DMD: variants seen among roughly 807,000 people sequenced by gnomAD.
DMD encodes mutant dystrophin.
A neutral mutation model predicts 330.1 loss-of-function variants in DMD; 63 were observed. That is an observed-to-expected ratio of 0.19 (90% CI 0.16 to 0.24). The LOEUF (loss-of-function observed/expected upper bound fraction) is 0.24, where lower values mean the gene tolerates loss of function less well. Among genes scored for constraint, DMD ranks in the 10% least tolerant of loss-of-function variants. DMD has a pLI of 1.00. For synonymous variants in DMD, 1,223 were observed against 959.8 expected (o/e 1.27, Z -5.07); for missense variants, 3,344 against 2,684.1 (o/e 1.25, Z -5.43).
chrX:32,559,978 A>G (rs1009948565), intron 16 of DMD, among the ~76,000 whole-genome samples: 1 of 111,408 alleles, frequency 9.0e-6, no homozygotes, highest in African/African-American at 3.3e-5. Flanking sequence ...AAGAAGAGGC[A>G]AATTCTGAGC....
intron 63 of DMD, among the ~76,000 whole-genome samples, chrX:31,243,610 C>G (rs977026189): frequency 8.9e-6 from 1 of 112,631 alleles, no homozygotes; most frequent in African/African-American, 3.2e-5. Flanking sequence ...AAAAAATACA[C>G]AAATATTAAC....
chrX:32,846,723 TAAAAAAAA>T (rs10564725), intron 3 of DMD, among the ~76,000 whole-genome samples: 4 of 53,585 alleles, frequency 7.5e-5, no homozygotes, highest in Non-Finnish European at 1.0e-4. Context: ...ACTTTAGATT[TAAAAAAAA>T]AAAAAAAAAA....
In DMD at chrX:31,535,579, C is replaced by T. The variant is rs1265250888; in HGVS notation, c.8218-28126G>A. On this transcript the variant is annotated intron_variant, in intron 55 of 78. Transcript: ENST00000357033. ...TTACCATTCAGGACATAGGCGTGGG[C>T]AAGGACTTCATGTCCAAAACACCAA... 2.8e-5 allele frequency among the ~76,000 whole-genome samples: 3 copies of T among 106,451 alleles called. No individual in the cohort carries two copies. The Admixed American group carries it at 3.1e-4, about 11-fold the overall frequency. 92.4% of individuals were successfully genotyped at this position (106,451 alleles called of 115,157 possible).
At chrX:33,311,959 A>G (rs1330101916) in intron 1 of DMD, among the ~76,000 whole-genome samples, 1 of 110,691 alleles carries the variant, frequency 9.0e-6, no homozygotes, top group African/African-American at 3.3e-5. Flanking sequence ...ACTATTTAAG[A>G]TGAAAAATGT....
intron 51 of DMD, among the ~76,000 whole-genome samples, chrX:31,750,444 C>T (rs1210604201): frequency 9.1e-6 from 1 of 110,298 alleles, no homozygotes; most frequent in Non-Finnish European, 1.9e-5. Flanking sequence ...TGTCAAAGAT[C>T]AGATAGTGGT....
intron 2 of DMD, among the ~76,000 whole-genome samples, chrX:32,880,966 A>C (rs2083884953): frequency 8.8e-6 from 1 of 113,101 alleles, no homozygotes; most frequent in Non-Finnish European, 1.9e-5. Context: ...AAAGAAAAAA[A>C]CTAAGATTTC....
chrX:31,930,277 T>C (rs1310081878), intron 46 of DMD, among the ~76,000 whole-genome samples: 3 of 111,223 alleles, frequency 2.7e-5, no homozygotes, highest in African/African-American at 9.8e-5. Flanking sequence ...GTAGATCCAA[T>C]TATCTTCATT....
At chrX:33,183,482 T>C in intron 1 of DMD, among the ~76,000 whole-genome samples, 1 of 111,734 alleles carries the variant, frequency 8.9e-6, no homozygotes, top group African/African-American at 3.3e-5. Context: ...TGGCTGCCAC[T>C]ACAAAAGAAT....
At chrX:31,695,710 G>C (rs1368027141) in intron 52 of DMD, among the ~76,000 whole-genome samples, 3 of 111,217 alleles carry the variant, frequency 2.7e-5, no homozygotes, top group African/African-American at 9.8e-5. Context: ...TGTATGTGCA[G>C]TTTAAAAAAA....
chrX:31,757,942 T>A (rs746365011), intron 51 of DMD, among the ~76,000 whole-genome samples: 1 of 110,269 alleles, frequency 9.1e-6, no homozygotes, highest in Admixed American at 9.7e-5. Flanking sequence ...TTCTGAAGGG[T>A]CATTCCAGCT....
chrX:32,472,129 T>C (rs2040702852), intron 22 of DMD, 35 bp downstream of exon 22: 1 of 1,199,075 alleles, frequency 8.3e-7, no homozygotes, highest in South Asian at 1.8e-5. Flanking sequence ...TTGATAAGCG[T>C]GCTTTATTGT....
chrX:32,637,676 G>A (rs1371627672), intron 11 of DMD, among the ~76,000 whole-genome samples: 1 of 111,370 alleles, frequency 9.0e-6, no homozygotes, highest in African/African-American at 3.3e-5. Context: ...CATGATGGAA[G>A]GGGAAGCAAA....
At chrX:31,231,130 TC>T (rs2047156679) in intron 63 of DMD, among the ~76,000 whole-genome samples, 2 of 110,577 alleles carry the variant, frequency 1.8e-5, no homozygotes, top group Non-Finnish European at 3.8e-5. Context: ...GGGCTCTAAC[TC>T]CCAAAACCTT....
rs749908837 is a variant in DMD, at chrX:33,038,430, G to A, written c.32-18230C>T. ...TCAATAATAAAATAAGCAAATGCCTGCTTTTATTTTCTCCTAATTAACAAG... is the reference window on the plus strand; with the variant it reads ...TCAATAATAAAATAAGCAAATGCCTACTTTTATTTTCTCCTAATTAACAAG... On this transcript the variant is annotated intron_variant, in intron 1 of 78. Coordinates refer to ENST00000357033, the MANE Select transcript of DMD (RefSeq NM_004006.3). Among the ~76,000 whole-genome samples, 89 of 111,896 alleles carry A rather than the reference G, an allele frequency of 8.0e-4. 1 individual carries two copies. Among genetic ancestry groups the A allele is most frequent in the African/African-American group, 2.2e-3 (69 of 30,879 alleles).
At chrX:32,538,610 G>T (rs2048211792) in intron 17 of DMD, among the ~76,000 whole-genome samples, 1 of 111,523 alleles carries the variant, frequency 9.0e-6, no homozygotes, top group African/African-American at 3.3e-5. Context: ...TATGGGGGCT[G>T]TCATAAGGAA....
intron 1 of DMD, among the ~76,000 whole-genome samples, chrX:33,116,752 T>C (rs2148464712): frequency 9.0e-6 from 1 of 111,409 alleles, no homozygotes; most frequent in Non-Finnish European, 1.9e-5. Context: ...ATGGGAATGC[T>C]TTAGAACCAA....
intron 60 of DMD, among the ~76,000 whole-genome samples, chrX:31,372,544 A>C (rs1023568772): frequency 3.1e-4 from 35 of 112,269 alleles, no homozygotes; most frequent in African/African-American, 1.0e-3. Context: ...TTTTGAAGTT[A>C]AACACTGTTC....
At chrX:32,052,796 A>G (rs183241059) in intron 44 of DMD, among the ~76,000 whole-genome samples, 2 of 111,465 alleles carry the variant, frequency 1.8e-5, no homozygotes, top group African/African-American at 6.5e-5. Context: ...AATGAATGAG[A>G]GTAGTAGATC....
At chrX:31,144,228 C>A (rs1487662896) in intron 76 of DMD, among the ~76,000 whole-genome samples, 1 of 111,601 alleles carries the variant, frequency 9.0e-6, no homozygotes, top group Non-Finnish European at 1.9e-5. Flanking sequence ...CAGAAATGTT[C>A]ATCTCCTCAG....
Sources: gnomAD v4.1 joint callset for allele counts (sites outside exome capture counted in the v4.1 genomes callset) on GRCh38, gnomAD v4.1.1 for gene constraint, MANE v1.5 for transcripts, NCBI Gene and HGNC (gene_info 2026-07-23, HGNC 2026-07-21) for gene names.